The following PCNT variants were observed in gnomAD, a reference collection of about 807,000 sequenced individuals.
The protein encoded by PCNT is kendrin.
A neutral mutation model predicts 380.4 loss-of-function variants in PCNT; 319 were observed. The observed-to-expected ratio is 0.84, with a 90% CI of 0.77 to 0.92. The LOEUF is 0.92. PCNT is among the 40% of genes least tolerant of loss of function. The probability of loss-of-function intolerance (pLI) is 0.00; values close to 1 mark genes in which losing one functional copy is unlikely to be tolerated. For missense variants in PCNT, 4,400 were observed against 4,255.3 expected (o/e 1.03, Z -0.95); for synonymous variants, 1,845 against 1,735.2 (o/e 1.06, Z -1.57).
At chr21:46,394,844 G>A (rs1279851665) in intron 21 of PCNT, among the ~76,000 whole-genome samples, 1 of 152,240 alleles carries the variant, frequency 6.6e-6, no homozygotes, top group East Asian at 1.9e-4. Context: ...TGGTCTCCAG[G>A]GAGGGCCTGG....
At chr21:46,349,974 A>C (rs929631617) in intron 8 of PCNT, among the ~76,000 whole-genome samples, 154 bp downstream of exon 8, 3 of 152,210 alleles carry the variant, frequency 2.0e-5, no homozygotes. Context: ...CTGTAACTCT[A>C]TCACTTTGGG....
At chr21:46,329,460 G>A (rs1045505282) in intron 2 of PCNT, among the ~76,000 whole-genome samples, 1 of 152,146 alleles carries the variant, frequency 6.6e-6, no homozygotes, top group Non-Finnish European at 1.5e-5. Context: ...AAACACATTA[G>A]GTTACTTATA....
intron 21 of PCNT, 89 bp from the exon 22 acceptor site, chr21:46,397,176 G>C: frequency 9.5e-7 from 1 of 1,054,036 alleles, no homozygotes; most frequent in South Asian, 1.3e-5. Flanking sequence ...GGTGGGTTTT[G>C]ACTGAATCAC....
intron 1 of PCNT, among the ~76,000 whole-genome samples, 180 bp from the exon 2 acceptor site, chr21:46,326,197 C>T (rs890292019): frequency 3.3e-5 from 5 of 152,288 alleles, no homozygotes; most frequent in Non-Finnish European, 4.4e-5. Context: ...TGTTAGACCC[C>T]TTGGATATAG....
chr21:46,353,374 C>G, intron 10 of PCNT, 48 bp downstream of exon 10: 2 of 1,495,652 alleles, frequency 1.3e-6, no homozygotes, highest in Non-Finnish European at 1.9e-6. Flanking sequence ...ATACAGGGGC[C>G]AGGCTCTGAG....
intron 11 of PCNT, among the ~76,000 whole-genome samples, chr21:46,354,353 G>C (rs572435551): frequency 2.0e-5 from 3 of 152,366 alleles, no homozygotes; most frequent in Middle Eastern, 3.4e-3. Context: ...GCATTCGTCA[G>C]ACTTGACAGT....
chr21:46,440,923 G>GT lies in PCNT; in HGVS notation c.9463dup (p.Tyr3155LeufsTer13). On this transcript the variant is annotated frameshift_variant, in exon 43 of 47. Coordinates refer to ENST00000359568, the MANE Select transcript of PCNT (RefSeq NM_006031.6). LOFTEE classifies it high-confidence loss of function. ...GAAAAGCTCTGATTTATCAAAAGAA[G>GT]TATCTTTTGCTGTTGATTGGTGGAT... is the stretch of plus-strand genomic sequence containing the variant. The GT allele has an allele frequency of 6.2e-7, 1 of 1,612,786 alleles. No individual in the cohort carries two copies. The highest frequency in any genetic ancestry group is 1.3e-5 in the African/African-American group (1 of 75,038).
chr21:46,324,896 G>C, intron 1 of PCNT: 1 of 985,528 alleles, frequency 1.0e-6, no homozygotes. Flanking sequence ...CGGCGTTGCA[G>C]TCCTTACTGT....
In PCNT at chr21:46,425,970, A is replaced by G; in HGVS notation, c.7319A>G (p.Gln2440Arg). The change falls in exon 33 of 47, where the codon CAG (glutamine) becomes CGG (arginine). Residue 2440 changes from glutamine to arginine, a missense_variant and splice_region_variant. By Grantham distance (43) the Gln-to-Arg change is conservative. Coordinates refer to ENST00000359568, the MANE Select transcript of PCNT (RefSeq NM_006031.6). The surrounding 1 kb of genome is among the most constrained non-coding windows in gnomAD (Gnocchi z 4.2). ...ATCTCGCTCCATGGGGGAAAGACGCAGGTTTATTTTGCCCTTCACACACTT... is the reference window on the plus strand; with the variant it reads ...ATCTCGCTCCATGGGGGAAAGACGCGGGTTTATTTTGCCCTTCACACACTT... ...QDISLHGGKT[Q>R]EVPTACPDWR... 1 of 1,613,154 alleles carries G rather than the reference A, an allele frequency of 6.2e-7. No individual in the cohort carries two copies.
At chr21:46,364,156 G>A (rs2084816895) in intron 14 of PCNT, among the ~76,000 whole-genome samples, 1 of 151,378 alleles carries the variant, frequency 6.6e-6, no homozygotes, top group East Asian at 2.0e-4. Context: ...GAAGCCCCCT[G>A]GCCGCAGTGG....
At chr21:46,334,816 C>T in intron 3 of PCNT, 48 bp downstream of exon 3, 3 of 1,613,936 alleles carry the variant, frequency 1.9e-6, no homozygotes, top group Non-Finnish European at 2.5e-6. Context: ...CAAAAGATTT[C>T]TTTATGTTGT....
At chr21:46,330,268 C>T (rs2083515533) in intron 2 of PCNT, among the ~76,000 whole-genome samples, 1 of 152,000 alleles carries the variant, frequency 6.6e-6, no homozygotes, top group South Asian at 2.1e-4. Flanking sequence ...CAGGCATGTG[C>T]CACCATACCT....
At chr21:46,414,900 C>T (rs1008142317) in intron 29 of PCNT, among the ~76,000 whole-genome samples, 5 of 152,208 alleles carry the variant, frequency 3.3e-5, no homozygotes, top group Admixed American at 6.5e-5. Context: ...TGCTCTTCCT[C>T]CTCCCCCTCC....
At position 46,326,549 on chromosome 21, in the gene PCNT, A is replaced by G; in HGVS notation, c.227A>G (p.Asp76Gly). The G allele has an allele frequency of 6.2e-7, 1 of 1,614,134 alleles. No homozygotes were observed. Among genetic ancestry groups the G allele is most frequent in the Non-Finnish European group, 8.5e-7 (1 of 1,179,996 alleles). ...GACATTTGCAAAAGCACATCATGTG[A>G]CGACACCCCTGATGGGGCAGGAGGG... ...GGDICKSTSC[D>G]DTPDGAGGAF... Residue 76 changes from aspartate to glycine, a missense_variant, in exon 2 of 47, where the codon GAC becomes GGC. Physicochemically the swap from Asp to Gly is moderately conservative, Grantham distance 94. Transcript: ENST00000359568.
chr21:46,437,120 TCC>T, intron 40 of PCNT, 39 bp downstream of exon 40: 4 of 1,414,352 alleles, frequency 2.8e-6, no homozygotes, highest in Non-Finnish European at 4.0e-6. Context: ...GCCTGGCTCC[TCC>T]CCCAGAGGGG....
rs529457692 is a variant in PCNT at position 46,355,515 on chromosome 21, G to C, written c.1825G>C (p.Glu609Gln). 6.2e-7 allele frequency: 1 copy of C among 1,614,092 alleles called. No individual in the cohort carries two copies. Among genetic ancestry groups the C allele is most frequent in the Non-Finnish European group, 8.5e-7 (1 of 1,180,028 alleles). ...ESHRHQLEAL[E>Q]SPLCIQHEGH... ...CCACAGGCACCAGCTGGAAGCGCTG[G>C]AGTCTCCCCTCTGCATCCAGCACGA... Residue 609 changes from glutamate (E) to glutamine (Q), a missense_variant, in exon 12 of 47, where the codon GAG becomes CAG. By Grantham distance (29) the Glu-to-Gln change is conservative. Coordinates refer to ENST00000359568, the MANE Select transcript of PCNT (RefSeq NM_006031.6).
chr21:46,378,561 G>A (rs1046226539), intron 15 of PCNT, among the ~76,000 whole-genome samples: 3 of 152,042 alleles, frequency 2.0e-5, no homozygotes, highest in Non-Finnish European at 4.4e-5. Flanking sequence ...CCTGGCCTGC[G>A]AGATTTCCTC....
In PCNT at chr21:46,416,390, G is replaced by C; in HGVS notation, c.6472G>C (p.Gly2158Arg). 6.2e-7 allele frequency: 1 copy of C among 1,614,146 alleles called. No homozygotes were observed. The highest frequency in any genetic ancestry group is 1.7e-5 in the Admixed American group (1 of 60,028). Residue 2158 changes from glycine (G) to arginine (R), a missense_variant, in exon 30 of 47, where the codon GGT (glycine) becomes CGT (arginine). Coordinates refer to ENST00000359568, the MANE Select transcript of PCNT (RefSeq NM_006031.6). ...GTGTGATGCCAATACAACCCCAGGG[G>C]GTGTAACTGATGTTATCAAAAATTG... ...DACDANTTPG[G>R]VTDVIKNWDS...
intron 1 of PCNT, chr21:46,325,048 C>T (rs997698890): frequency 2.6e-5 from 26 of 985,418 alleles, no homozygotes; most frequent in Non-Finnish European, 2.8e-5. Context: ...GCGCTCCCGT[C>T]TTTCTCCCGC....
Sources: allele counts gnomAD v4.1 joint callset (sites outside exome capture counted in the v4.1 genomes callset), GRCh38; gene constraint gnomAD v4.1.1; non-coding constraint Gnocchi (gnomAD v3.1); transcripts MANE v1.5; gene names NCBI Gene and HGNC (gene_info 2026-07-23, HGNC 2026-07-21).